RIMS2: variants seen among roughly 807,000 people sequenced by gnomAD.
RIMS2 encodes regulating synaptic membrane exocytosis protein 2.
RIMS2 carries 59 observed loss-of-function variants against 174.4 expected under a neutral mutation model. The observed-to-expected ratio is 0.34, with a 90% confidence interval of 0.27 to 0.42. The LOEUF (loss-of-function observed/expected upper bound fraction) is 0.42, where lower values mean the gene tolerates loss of function less well. Ranked by LOEUF, RIMS2 falls within the 10% of genes least tolerant of loss-of-function variation. The pLI is 1.00. For missense variants in RIMS2, 1,620 were observed against 1,666.3 expected, an observed-to-expected ratio of 0.97 and a Z score of 0.48; for synonymous variants, 606 against 572.5, an observed-to-expected ratio of 1.06 and a Z score of -0.84.
intron 11 of RIMS2, 115 bp from the exon 14 acceptor site, chr8:103,931,148 A>C: frequency 1.5e-6 from 1 of 688,536 alleles, no homozygotes. Flanking sequence ...TACTAAGTAA[A>C]GTTTATATTC....
intron 1 of RIMS2, among the ~76,000 whole-genome samples, chr8:103,610,812 T>C (rs554472174): frequency 6.6e-6 from 1 of 152,266 alleles, no homozygotes; most frequent in African/African-American, 2.4e-5. Flanking sequence ...GTCTGCCATG[T>C]TTTGGTATCA....
chr8:104,091,188 C>T (rs1342972655), intron 19 of RIMS2, among the ~76,000 whole-genome samples: 1 of 151,820 alleles, frequency 6.6e-6, no homozygotes, highest in Non-Finnish European at 1.5e-5. Context: ...ATGATTCAGT[C>T]CCATTCCAGA....
chr8:103,932,790 A>T (rs2080259616), intron 12 of RIMS2, among the ~76,000 whole-genome samples: 1 of 152,184 alleles, frequency 6.6e-6, no homozygotes, highest in African/African-American at 2.4e-5. Context: ...GGCTGGGTGC[A>T]GTGGCTCATG....
intron 17 of RIMS2, among the ~76,000 whole-genome samples, chr8:104,007,286 T>C (rs1320694050): frequency 6.6e-6 from 1 of 152,190 alleles, no homozygotes; most frequent in African/African-American, 2.4e-5. Context: ...GTCAGAGCCT[T>C]TTCCTAATCT....
intron 1 of RIMS2, among the ~76,000 whole-genome samples, chr8:103,577,150 G>T (rs560668419): frequency 6.0e-4 from 92 of 152,274 alleles, no homozygotes; most frequent in African/African-American, 2.2e-3. Context: ...CCTACAGAAT[G>T]GGAGAAAATT....
intron 19 of RIMS2, among the ~76,000 whole-genome samples, chr8:104,114,309 A>G (rs1371213521): frequency 1.3e-5 from 2 of 151,976 alleles, no homozygotes; most frequent in South Asian, 2.1e-4. Context: ...TTCACTTGCT[A>G]TATACTAGTT....
At chr8:104,214,772 G>A (rs2099122386) in intron 19 of RIMS2, among the ~76,000 whole-genome samples, 1 of 152,124 alleles carries the variant, frequency 6.6e-6, no homozygotes, top group Non-Finnish European at 1.5e-5. Context: ...ATCTTAAGTG[G>A]GAATCAGCTG....
At chr8:103,885,617 G>A (rs762927342) in exon 4 of RIMS2, 15 of 1,612,918 alleles carry the variant, frequency 9.3e-6, no homozygotes, top group Non-Finnish European at 1.2e-5. Context: ...TCCGAATTTG[G>A]CCCGTTATCC....
chr8:103,592,733 G>A lies in RIMS2; in HGVS notation c.176+91671G>A, dbSNP rs182107846. Reference sequence around the variant, plus strand: ...AATGCAGGTAAAACACAAGAATAAGGTATTAGCATTAAACTTTTTTTAGTA... The same window carrying A: ...AATGCAGGTAAAACACAAGAATAAGATATTAGCATTAAACTTTTTTTAGTA... On this transcript the variant is annotated intron_variant, in intron 1 of 23. Transcript: ENST00000504942. 1.5e-4 allele frequency among the ~76,000 whole-genome samples: 23 copies of A among 151,360 alleles called. No individual in the cohort carries two copies. The East Asian group carries it at 2.5e-3, about 17-fold the overall frequency.
At chr8:104,073,464 C>A (rs778023028) in intron 19 of RIMS2, among the ~76,000 whole-genome samples, 1 of 152,148 alleles carries the variant, frequency 6.6e-6, no homozygotes, top group East Asian at 1.9e-4. Flanking sequence ...AAAAACCATG[C>A]TCTTTTTTAA....
intron 1 of RIMS2, among the ~76,000 whole-genome samples, chr8:103,592,336 A>C (rs1444204833): frequency 6.6e-6 from 1 of 151,174 alleles, no homozygotes; most frequent in Non-Finnish European, 1.5e-5. Flanking sequence ...TCCATTTCAG[A>C]GTGTTTATTA....
At chr8:103,981,948 A>G (rs2093941091) in intron 16 of RIMS2, among the ~76,000 whole-genome samples, 2 of 152,188 alleles carry the variant, frequency 1.3e-5, no homozygotes. Flanking sequence ...AAAACAATAC[A>G]AAAGATCAAT....
At chr8:103,717,835 T>A (rs1391693327) in intron 2 of RIMS2, among the ~76,000 whole-genome samples, 2 of 152,196 alleles carry the variant, frequency 1.3e-5, no homozygotes, top group Admixed American at 1.3e-4. Context: ...ATGTTTTACA[T>A]CTTCACTATC....
chr8:103,755,917 C>T (rs888310762), intron 2 of RIMS2, among the ~76,000 whole-genome samples: 82 of 152,244 alleles, frequency 5.4e-4, no homozygotes, highest in African/African-American at 1.9e-3. Flanking sequence ...CCTTCTGAAG[C>T]CTACTTCTGT....
intron 15 of RIMS2, among the ~76,000 whole-genome samples, chr8:103,964,612 G>T (rs1338401847): frequency 6.6e-6 from 1 of 151,900 alleles, no homozygotes; most frequent in Non-Finnish European, 1.5e-5. Context: ...CTCTTCTGTG[G>T]CTTCTTAAAG....
chr8:103,713,800 C>G (rs1161935433), intron 2 of RIMS2, among the ~76,000 whole-genome samples: 2 of 152,206 alleles, frequency 1.3e-5, no homozygotes, highest in African/African-American at 4.8e-5. Context: ...AGTCACCGCT[C>G]TCTGATTTAT....
At position 103,939,960 on chromosome 8, in the gene RIMS2, C is replaced by A. The variant is rs2082153564; in HGVS notation, c.2548-2813C>A. On this transcript the variant is annotated intron_variant, in intron 13 of 23. Coordinates refer to ENST00000504942, the Ensembl canonical transcript of RIMS2. ...ACTTTATTGTCCATATAGCTATCAG[C>A]ATTTTGGGCAAAGTCATTCAACAAG... is the stretch of plus-strand genomic sequence containing the variant. Among the ~76,000 whole-genome samples, 3 of 152,174 alleles carry A rather than the reference C, an allele frequency of 2.0e-5. No homozygotes were observed. The South Asian group carries it at 6.2e-4, about 32-fold the overall frequency.
intron 1 of RIMS2, among the ~76,000 whole-genome samples, chr8:103,631,656 G>A (rs972759519): frequency 2.0e-4 from 30 of 152,282 alleles, no homozygotes; most frequent in African/African-American, 7.2e-4. Context: ...GATTGTTCTA[G>A]TTCTGTGAAG....
intron 2 of RIMS2, among the ~76,000 whole-genome samples, chr8:103,747,529 G>C (rs1160619244): frequency 6.6e-6 from 1 of 152,076 alleles, no homozygotes; most frequent in East Asian, 1.9e-4. Context: ...GGTATGAAAA[G>C]AATGGAAGCT....
Sources: gnomAD v4.1 joint callset for allele counts (sites outside exome capture counted in the v4.1 genomes callset) on GRCh38, gnomAD v4.1.1 for gene constraint, MANE v1.5 for transcripts, NCBI Gene and HGNC (gene_info 2026-07-23, HGNC 2026-07-21) for gene names.